GZMK: variants seen among roughly 807,000 people sequenced by gnomAD.
The protein encoded by GZMK is NK-Tryp-2.
Under a neutral mutation model 22.8 loss-of-function variants are expected in GZMK, and 18 were observed. That is an observed-to-expected ratio of 0.79 (90% confidence interval 0.54 to 1.17). The LOEUF (loss-of-function observed/expected upper bound fraction) is 1.17. Among genes scored for constraint, GZMK ranks in the 50% most tolerant of loss-of-function variants. The pLI, the probability that GZMK is intolerant of heterozygous loss-of-function variation, is 0.00. For synonymous variants in GZMK, 136 were observed against 115.0 expected (o/e 1.18, Z -1.17); for missense variants, 342 against 320.2 (o/e 1.07, Z -0.52).
intron 4 of GZMK, among the ~76,000 whole-genome samples, chr5:55,031,925 T>G (rs891175676): frequency 2.6e-5 from 4 of 152,208 alleles, no homozygotes; most frequent in Non-Finnish European, 4.4e-5. Context: ...TTATCCTCCT[T>G]ACAAAGTCTA....
rs1046012948 is a variant in GZMK, at chr5:55,031,437, G to A, written c.437G>A (p.Gly146Glu). 3.7e-6 allele frequency: 6 copies of A among 1,613,486 alleles called. No homozygotes were observed. The highest frequency in any genetic ancestry group is 4.2e-6 in the Non-Finnish European group (5 of 1,179,522). ...HIRSKTSLRS[G>E]TKCKVTGWGA... The stretch of plus-strand genomic sequence containing the variant: ...AGATCCAAAACCTCTCTTAGATCTG[G>A]AACCAAATGCAAGGTTACTGGCTGG... The change falls in exon 4 of 5, where the codon GGA becomes GAA. Residue 146 changes from glycine to glutamate, a missense_variant. Physicochemically the swap from Gly to Glu is moderately conservative, Grantham distance 98. Transcript: ENST00000231009.
chr5:55,032,293 A>T (rs1741247085), intron 4 of GZMK, among the ~76,000 whole-genome samples: 1 of 152,176 alleles, frequency 6.6e-6, no homozygotes, highest in South Asian at 2.1e-4. Context: ...TAATAAGGGA[A>T]CTAATCTCAT....
chr5:55,028,038 G>A (rs1741165608), intron 2 of GZMK, among the ~76,000 whole-genome samples: 1 of 152,214 alleles, frequency 6.6e-6, no homozygotes, highest in African/African-American at 2.4e-5. Flanking sequence ...AGGTCAGAAG[G>A]AATAATGGTC....
Position 55,024,345 on chromosome 5 carries a change from C to A in GZMK, c.23C>A (p.Ser8Tyr). The change falls in exon 1 of 5, where the codon TCT (serine) becomes TAT (tyrosine). Residue 8 changes from serine to tyrosine, a missense_variant. Physicochemically the swap from Ser to Tyr is moderately radical, Grantham distance 144 (BLOSUM62 -2). Coordinates refer to ENST00000231009, the MANE Select transcript of GZMK (RefSeq NM_002104.3). The stretch of plus-strand genomic sequence containing the variant: ...AAAATGACTAAGTTTTCTTCCTTTT[C>A]TCTGTTTTTCCTAATAGTTGGGGCT... MTKFSSF[S>Y]LFFLIVGAYM... 1 of 1,485,756 alleles carries A rather than the reference C, an allele frequency of 6.7e-7. No individual in the cohort carries two copies. Among genetic ancestry groups the A allele is most frequent in the Non-Finnish European group, 9.4e-7 (1 of 1,065,110 alleles). 92.0% of individuals were successfully genotyped at this position (1,485,756 alleles called of 1,614,324 possible).
chr5:55,034,167 C>CA lies in GZMK; in HGVS notation c.*241_*242insA. 1 of 439,024 alleles carries CA rather than the reference C, an allele frequency of 2.3e-6. No homozygotes were observed. The highest frequency in any genetic ancestry group is 4.0e-6 in the Non-Finnish European group (1 of 248,752). 27.2% of individuals were successfully genotyped at this position (439,024 alleles called of 1,614,324 possible). A position where few individuals can be genotyped will look rare whatever the true frequency, so the allele number is the denominator to read the frequency against. ...CTTTTATCACATGAAGTAATATCTG[C>CA]CCCCATTGCACCCACACTCGCCAAA... On this transcript the variant is annotated 3_prime_UTR_variant, in exon 5 of 5. Coordinates refer to ENST00000231009, the MANE Select transcript of GZMK (RefSeq NM_002104.3).
intron 2 of GZMK, among the ~76,000 whole-genome samples, chr5:55,026,524 G>A (rs1014677163): frequency 1.3e-4 from 20 of 152,216 alleles, no homozygotes; most frequent in African/African-American, 4.1e-4. Flanking sequence ...ACACTTGGGT[G>A]TAAAAAGTAG....
chr5:55,030,023 C>A lies in GZMK; in HGVS notation c.213-411C>A, dbSNP rs146126407. 1.9e-3 allele frequency among the ~76,000 whole-genome samples: 294 copies of A among 152,302 alleles called. 1 individual carries two copies. Among genetic ancestry groups the A allele is most frequent in the African/African-American group, 6.8e-3 (282 of 41,564 alleles). On this transcript the variant is annotated intron_variant, in intron 2 of 4. Coordinates refer to ENST00000231009, the MANE Select transcript of GZMK (RefSeq NM_002104.3). ...TACCATTCTTATACCATTATGTATA[C>A]TTTACCACAATAAACAAATTTTAAT... is the stretch of plus-strand genomic sequence containing the variant.
rs751541408 is a variant in GZMK, at chr5:55,031,568, G to A, written c.568G>A (p.Asp190Asn). 2.5e-6 allele frequency: 4 copies of A among 1,613,812 alleles called. No individual in the cohort carries two copies. The highest frequency in any genetic ancestry group is 2.2e-5 in the East Asian group (1 of 44,876). ...CAACAGCCAAAGTTACTACAACGGC[G>A]ACCCTTTTATCACCAAAGACATGGT... Reference protein sequence around the residue: ...LCNSQSYYNGDPFITKDMVCA... With the variant: ...LCNSQSYYNGNPFITKDMVCA... The change falls in exon 4 of 5, where the codon GAC becomes AAC. Residue 190 changes from aspartate to asparagine, a missense_variant. Physicochemically the swap from Asp to Asn is conservative, Grantham distance 23 (BLOSUM62 1). Transcript: ENST00000231009.
rs752332855 is a variant in GZMK at position 55,031,532 on chromosome 5, C to T, written c.532C>T (p.Arg178Ter). The T allele has an allele frequency of 6.2e-6, 10 of 1,613,848 alleles. No homozygotes were observed. The highest frequency in any genetic ancestry group is 2.7e-5 in the African/African-American group (2 of 74,906). The part of the protein sequence containing the change: ...LREVTVTVLS[R>*]KLCNSQSYYN... ...AGAAGTCACTGTTACTGTCCTAAGT[C>T]GAAAACTTTGCAACAGCCAAAGTTA... is the stretch of plus-strand genomic sequence containing the variant. The change falls in exon 4 of 5, where the codon CGA becomes TGA. Residue 178 changes from arginine to a stop codon, truncating the protein, a stop_gained. Coordinates refer to ENST00000231009, the MANE Select transcript of GZMK (RefSeq NM_002104.3). LOFTEE classifies it high-confidence loss of function.
At chr5:55,029,209 TG>T (rs1741182678) in intron 2 of GZMK, among the ~76,000 whole-genome samples, 1 of 150,980 alleles carries the variant, frequency 6.6e-6, no homozygotes, top group Non-Finnish European at 1.5e-5. Context: ...AACTCCAGCC[TG>T]GGAAACAGAG....
At chr5:55,030,152 G>A (rs1741203534) in intron 2 of GZMK, among the ~76,000 whole-genome samples, 1 of 152,092 alleles carries the variant, frequency 6.6e-6, no homozygotes, top group South Asian at 2.1e-4. Flanking sequence ...AAGTCAATTA[G>A]GATTTCACTC....
At chr5:55,030,913 A>G (rs1482321924) in intron 3 of GZMK, among the ~76,000 whole-genome samples, 1 of 152,192 alleles carries the variant, frequency 6.6e-6, no homozygotes, top group Non-Finnish European at 1.5e-5. Flanking sequence ...AAAAAATACA[A>G]CAGTTGTTTA....
rs140383865 is a variant in GZMK at position 55,030,455 on chromosome 5, C to T, written c.234C>T (p.Pro78=). 1 of 1,613,676 alleles carries T rather than the reference C, an allele frequency of 6.2e-7. No individual in the cohort carries two copies. Among genetic ancestry groups the T allele is most frequent in the East Asian group, 2.2e-5 (1 of 44,872 alleles). ...TTAGGTTTACCAAAGGCCAGTCTCC[C>T]ACTGTGGTTTTAGGCGCACACTCTC... ...CQYRFTKGQS[P]TVVLGAHSLS... Residue 78 remains proline (P), a synonymous_variant, in exon 3 of 5, where the codon CCC becomes CCT. Coordinates refer to ENST00000231009, the MANE Select transcript of GZMK (RefSeq NM_002104.3).
chr5:55,029,960 C>T (rs538157782), intron 2 of GZMK, among the ~76,000 whole-genome samples: 2 of 152,176 alleles, frequency 1.3e-5, no homozygotes, highest in African/African-American at 2.4e-5. Context: ...TTCATACCAC[C>T]AAACTGTACA....
intron 4 of GZMK, among the ~76,000 whole-genome samples, chr5:55,032,995 T>A (rs138900833): frequency 6.6e-6 from 1 of 152,232 alleles, no homozygotes; most frequent in Non-Finnish European, 1.5e-5. Context: ...GTTATCATGG[T>A]TGACCAAAGT....
At chr5:55,031,214 A>G (rs1048330859) in intron 3 of GZMK, 150 bp from the exon 4 acceptor site, 65 of 669,748 alleles carry the variant, frequency 9.7e-5, no homozygotes, top group East Asian at 4.1e-4. Flanking sequence ...CAGAAAAGCA[A>G]CAACCACAAA....
chr5:55,031,560 A>G lies in GZMK; in HGVS notation c.560A>G (p.Tyr187Cys). ...SRKLCNSQSYYNGDPFITKDM... is the reference protein window; with the variant it reads ...SRKLCNSQSYCNGDPFITKDM... ...AAACTTTGCAACAGCCAAAGTTACT[A>G]CAACGGCGACCCTTTTATCACCAAA... The change falls in exon 4 of 5, where the codon TAC becomes TGC. Residue 187 changes from tyrosine to cysteine, a missense_variant. Coordinates refer to ENST00000231009, the MANE Select transcript of GZMK (RefSeq NM_002104.3). 2 of 1,613,914 alleles carry G rather than the reference A, an allele frequency of 1.2e-6. No homozygotes were observed. The highest frequency in any genetic ancestry group is 2.2e-5 in the South Asian group (2 of 91,074).
chr5:55,027,687 A>G (rs1364927049), intron 2 of GZMK: 3 of 152,252 alleles, frequency 2.0e-5, no homozygotes, highest in African/African-American at 7.2e-5. Context: ...CAATGGAGAC[A>G]ATGTTTACAG....
intron 2 of GZMK, among the ~76,000 whole-genome samples, chr5:55,027,947 C>T (rs546172292): frequency 1.3e-5 from 2 of 152,314 alleles, no homozygotes; most frequent in East Asian, 3.9e-4. Context: ...TCCCAGAACT[C>T]AAGTAATTCC....
Sources: gnomAD v4.1 joint callset for allele counts (sites outside exome capture counted in the v4.1 genomes callset) on GRCh38, gnomAD v4.1.1 for gene constraint, MANE v1.5 for transcripts, NCBI Gene and HGNC (gene_info 2026-07-23, HGNC 2026-07-21) for gene names.